The following ZNF778 variants were observed in gnomAD, a reference collection of about 807,000 sequenced individuals.
ZNF778 encodes zinc finger protein 778.
ZNF778 carries 37 observed loss-of-function variants against 23.9 expected under a neutral mutation model. The ratio of observed to expected loss-of-function variants is 1.54; its 90% CI spans 1.19 to 2.03. The LOEUF (loss-of-function observed/expected upper bound fraction) is 2.03, where lower values mean the gene tolerates loss of function less well. Ranked by LOEUF, ZNF778 falls within the 30% of genes most tolerant of loss-of-function variation. The pLI, the probability that ZNF778 is intolerant of heterozygous loss-of-function variation, is 0.00. For synonymous variants in ZNF778, 483 were observed against 343.9 expected (o/e 1.40, Z -4.48); for missense variants, 1,297 against 934.4 (o/e 1.39, Z -5.06).
chr16:89,224,929 G>C, intron 5 of ZNF778, 127 bp downstream of exon 5: 1 of 682,156 alleles, frequency 1.5e-6, no homozygotes, highest in Non-Finnish European at 2.5e-6. Context: ...CCTGAGTGTC[G>C]AGTTTAGCGG....
Position 89,221,858 on chromosome 16 carries a change from G to C in ZNF778, c.26-234G>C, listed in dbSNP as rs939584538. ...TGTTTTCTTGAGGAAGTGTATGGCT[G>C]TGTGTGTGTGTGTGTTTTCCTGAGG... is the stretch of plus-strand genomic sequence containing the variant. On this transcript the variant is annotated intron_variant, in intron 2 of 6. Transcript: ENST00000433976. 4.0e-5 allele frequency among the ~76,000 whole-genome samples: 6 copies of C among 150,474 alleles called. No individual in the cohort carries two copies. The South Asian group carries it at 6.3e-4, about 16-fold the overall frequency.
At chr16:89,226,564 C>T in intron 6 of ZNF778, 130 bp from the exon 7 acceptor site, 1 of 736,736 alleles carries the variant, frequency 1.4e-6, no homozygotes, top group Non-Finnish European at 2.2e-6. Context: ...ATCTACAGGG[C>T]AGGAGCTGCT....
rs760910659 is a variant in ZNF778 at position 89,223,140 on chromosome 16, CAT to C, written c.118-16_118-15del. On this transcript the variant is annotated splice_polypyrimidine_tract_variant and intron_variant, in intron 3 of 6. Transcript: ENST00000433976. The stretch of plus-strand genomic sequence containing the variant: ...GGACACGTTGGAAGGCTCCAACCGT[CAT>C]GTGTGATGATTTAGGACGCGGTGAC... 57 of 1,610,930 alleles carry C rather than the reference CAT, an allele frequency of 3.5e-5. No homozygotes were observed. Among genetic ancestry groups the C allele is most frequent in the Non-Finnish European group, 4.2e-5 (49 of 1,178,954 alleles).
Position 89,224,726 on chromosome 16 carries a change from C to G in ZNF778, c.252C>G (p.His84Gln), listed in dbSNP as rs1486835158. ...NYENLASVGH[H>Q]LFQPSVIYWL... is the part of the protein sequence containing the mutation. ...CTCTTTCCCTGTGTACAGGACATCA[C>G]CTGTTCCAACCCAGTGTGATCTATT... Residue 84 changes from histidine to glutamine, a missense_variant, in exon 5 of 7, where the codon CAC becomes CAG. By Grantham distance (24) the His-to-Gln change is conservative (BLOSUM62 0). Coordinates refer to ENST00000433976, the MANE Select transcript of ZNF778 (RefSeq NM_001201407.2). 9 of 1,535,394 alleles carry G rather than the reference C, an allele frequency of 5.9e-6. No homozygotes were observed. The East Asian group carries it at 1.7e-4, about 29-fold the overall frequency.
chr16:89,234,120 T>A lies in ZNF778; in HGVS notation c.*5558T>A. 1 of 489,738 alleles carries A rather than the reference T, an allele frequency of 2.0e-6. No individual in the cohort carries two copies. The highest frequency in any genetic ancestry group is 3.8e-6 in the Non-Finnish European group (1 of 261,444). 30.3% of individuals were successfully genotyped at this position (489,738 alleles called of 1,614,324 possible). Reference sequence around the variant, plus strand: ...GATGTGCCGCCTTCTCTTGACACTGTGAGTGATAAACTTTCCATGTCAGGA... The same window carrying A: ...GATGTGCCGCCTTCTCTTGACACTGAGAGTGATAAACTTTCCATGTCAGGA... On this transcript the variant is annotated 3_prime_UTR_variant, in exon 7 of 7. Transcript: ENST00000433976.
intron 1 of ZNF778, among the ~76,000 whole-genome samples, chr16:89,218,878 C>A (rs1470195265): frequency 1.3e-5 from 2 of 152,084 alleles, no homozygotes; most frequent in African/African-American, 4.8e-5. Flanking sequence ...GAGGCCGAGG[C>A]GGGTGGATCA....
chr16:89,228,042 G>T lies in ZNF778; in HGVS notation c.1754G>T (p.Gly585Val). The change falls in exon 7 of 7, where the codon GGA becomes GTA. Residue 585 changes from glycine (G) to valine (V), a missense_variant. Gly to Val is a moderately radical substitution (Grantham distance 109). Coordinates refer to ENST00000433976, the MANE Select transcript of ZNF778 (RefSeq NM_001201407.2). ...CLNKHIQIHT[G>V]IKPYECKDCG... ...AATAAGCACATTCAGATTCACACTG[G>T]AATAAAACCTTATGAATGTAAGGAC... The T allele has an allele frequency of 2.5e-6, 4 of 1,589,404 alleles. No homozygotes were observed. In the South Asian group the frequency reaches 4.5e-5, roughly 18 times the overall value.
At position 89,227,572 on chromosome 16, in the gene ZNF778, G is replaced by T; in HGVS notation, c.1284G>T (p.Lys428Asn). 2 of 1,614,068 alleles carry T rather than the reference G, an allele frequency of 1.2e-6. No individual in the cohort carries two copies. The highest frequency in any genetic ancestry group is 1.7e-6 in the Non-Finnish European group (2 of 1,180,002). ...IKPYTCSYCGKAFTVRCGLTR... is the reference protein window; with the variant it reads ...IKPYTCSYCGNAFTVRCGLTR... ...CCTATACATGCAGCTACTGTGGGAA[G>T]GCCTTCACTGTGCGCTGTGGCCTTA... The change falls in exon 7 of 7, where the codon AAG becomes AAT. Residue 428 changes from lysine to asparagine, a missense_variant. By Grantham distance (94) the Lys-to-Asn change is moderately conservative. Transcript: ENST00000433976.
Position 89,224,732 on chromosome 16 carries a change from C to G in ZNF778, c.258C>G (p.Phe86Leu). 1 of 1,535,488 alleles carries G rather than the reference C, an allele frequency of 6.5e-7. No individual in the cohort carries two copies. Among genetic ancestry groups the G allele is most frequent in the South Asian group, 1.2e-5 (1 of 84,042 alleles). Residue 86 changes from phenylalanine to leucine, a missense_variant, in exon 5 of 7, where the codon TTC (phenylalanine) becomes TTG (leucine). Transcript: ENST00000433976. The part of the protein sequence containing the change: ...ENLASVGHHL[F>L]QPSVIYWLEQ... ...CCCTGTGTACAGGACATCACCTGTT[C>G]CAACCCAGTGTGATCTATTGGCTGG...
intron 2 of ZNF778, 120 bp from the exon 3 acceptor site, chr16:89,221,972 C>A (rs1249561746): frequency 6.5e-6 from 4 of 611,550 alleles, no homozygotes; most frequent in Non-Finnish European, 1.1e-5. Context: ...TGTGCGTTTT[C>A]CTGAGTGTGC....
chr16:89,225,490 T>G (rs1010682356), intron 5 of ZNF778, 65 bp from the exon 6 acceptor site: 2 of 1,296,430 alleles, frequency 1.5e-6, no homozygotes, highest in Non-Finnish European at 2.2e-6. Flanking sequence ...TTTTCTGCCA[T>G]GTCTTATATG....
chr16:89,223,233 A>G lies in ZNF778; in HGVS notation c.194A>G (p.Asp65Gly). 6.2e-7 allele frequency: 1 copy of G among 1,613,760 alleles called. No homozygotes were observed. The highest frequency in any genetic ancestry group is 1.1e-5 in the South Asian group (1 of 91,042). ...EWTLLDPSQR[D>G]LYRDVMLENY... ...ACTTTACTGGACCCATCTCAGAGAG[A>G]CCTCTACAGAGATGTGATGCTGGAA... The change falls in exon 4 of 7, where the codon GAC becomes GGC. Residue 65 changes from aspartate (D) to glycine (G), a missense_variant. By Grantham distance (94) the Asp-to-Gly change is moderately conservative. Coordinates refer to ENST00000433976, the MANE Select transcript of ZNF778 (RefSeq NM_001201407.2).
rs2031921203 is a variant in ZNF778, at chr16:89,231,472, T to C, written c.*2910T>C. ...CAGCACAGACCTCAATTAAGACGAC[T>C]ACCCCTCCGACGACTCCCCCTCCCT... is the stretch of plus-strand genomic sequence containing the variant. On this transcript the variant is annotated 3_prime_UTR_variant, in exon 7 of 7. Transcript: ENST00000433976. 1 of 152,208 alleles carries C rather than the reference T, an allele frequency of 6.6e-6. No homozygotes were observed. Among genetic ancestry groups the C allele is most frequent in the Admixed American group, 6.5e-5 (1 of 15,274 alleles). 9.4% of individuals were successfully genotyped at this position (152,208 alleles called of 1,614,324 possible).
chr16:89,226,259 G>C (rs561735375), intron 6 of ZNF778, among the ~76,000 whole-genome samples: 14 of 152,178 alleles, frequency 9.2e-5, no homozygotes, highest in African/African-American at 3.1e-4. Context: ...AGGCTGGAAT[G>C]CAACGGCGCA....
In ZNF778 at chr16:89,232,920, C is replaced by A. The variant is rs1043912153; in HGVS notation, c.*4358C>A. ...TGCGTATGCAACTCAACTCGCACTG[C>A]GTATGCGAATCCACTCACTGCCTAT... On this transcript the variant is annotated 3_prime_UTR_variant, in exon 7 of 7. Coordinates refer to ENST00000433976, the MANE Select transcript of ZNF778 (RefSeq NM_001201407.2). The A allele has an allele frequency of 5.5e-6, 7 of 1,276,220 alleles. No homozygotes were observed. The African/African-American group carries it at 1.1e-4, about 20-fold the overall frequency. 79.1% of individuals were successfully genotyped at this position (1,276,220 alleles called of 1,614,324 possible). A position where few individuals can be genotyped will look rare whatever the true frequency, so the allele number is the denominator to read the frequency against.
rs759127338 is a variant in ZNF778 at position 89,227,174 on chromosome 16, C to T, written c.886C>T (p.Leu296Phe). 1 of 1,614,022 alleles carries T rather than the reference C, an allele frequency of 6.2e-7. No homozygotes were observed. The highest frequency in any genetic ancestry group is 1.1e-5 in the South Asian group (1 of 91,082). Residue 296 changes from leucine to phenylalanine, a missense_variant, in exon 7 of 7, where the codon CTT (leucine) becomes TTT (phenylalanine). Leu to Phe is a conservative substitution (Grantham distance 22, BLOSUM62 0). Coordinates refer to ENST00000433976, the MANE Select transcript of ZNF778 (RefSeq NM_001201407.2). Reference protein sequence around the residue: ...CGKAFRYTAYLTGRVQVHPGE... With the variant: ...CGKAFRYTAYFTGRVQVHPGE... ...GAAGGCCTTTAGGTACACTGCCTAC[C>T]TTACTGGTCGCGTGCAAGTCCACCC...
At position 89,230,203 on chromosome 16, in the gene ZNF778, C is replaced by A; in HGVS notation, c.*1641C>A. ...TACCTGATCCCTTCAGATAAAACAC[C>A]AGGGTGCAAGGAGGGGCAGAGTGGA... On this transcript the variant is annotated 3_prime_UTR_variant, in exon 7 of 7. Transcript: ENST00000433976. The A allele has an allele frequency of 2.6e-6, 1 of 386,170 alleles. No individual in the cohort carries two copies. The highest frequency in any genetic ancestry group is 3.5e-6 in the Non-Finnish European group (1 of 282,590). The allele number at this position is 386,170 out of a possible 1,614,324, so 23.9% of individuals were successfully genotyped here.
At chr16:89,220,307 A>C (rs1394074651) in intron 1 of ZNF778, among the ~76,000 whole-genome samples, 4 of 152,210 alleles carry the variant, frequency 2.6e-5, no homozygotes, top group African/African-American at 9.6e-5. Context: ...AAGAAAGTAC[A>C]GCTCTAGACC....
In ZNF778 at chr16:89,227,979, C is replaced by T. The variant is rs758123738; in HGVS notation, c.1691C>T (p.Thr564Met). 94 of 1,589,464 alleles carry T rather than the reference C, an allele frequency of 5.9e-5. 1 individual carries two copies. Among genetic ancestry groups the T allele is most frequent in the Non-Finnish European group, 7.4e-5 (86 of 1,165,000 alleles). Residue 564 changes from threonine (T) to methionine (M), a missense_variant, in exon 7 of 7, where the codon ACG becomes ATG. Physicochemically the swap from Thr to Met is moderately conservative, Grantham distance 81 (BLOSUM62 -1). Coordinates refer to ENST00000433976, the MANE Select transcript of ZNF778 (RefSeq NM_001201407.2). ...THTEEKPFIC[T>M]VCRKSFRNSS... ...ACAGAGGAGAAGCCCTTTATATGTA[C>T]GGTATGCAGGAAATCCTTCAGAAAT...
Sources: allele counts gnomAD v4.1 joint callset (sites outside exome capture counted in the v4.1 genomes callset), GRCh38; gene constraint gnomAD v4.1.1; transcripts MANE v1.5; gene names NCBI Gene and HGNC (gene_info 2026-07-23, HGNC 2026-07-21).